The following SPTBN1 variants were observed in gnomAD, a reference collection of about 807,000 sequenced individuals.
SPTBN1 encodes spectrin beta chain, non-erythrocytic 1.
A neutral mutation model predicts 266.4 loss-of-function variants in SPTBN1; 32 were observed. That is an observed-to-expected ratio of 0.12 (90% CI 0.09 to 0.16). The LOEUF is 0.16. SPTBN1 is among the 10% of genes least tolerant of loss of function. The probability of loss-of-function intolerance (pLI) is 1.00; values close to 1 mark genes in which losing one functional copy is unlikely to be tolerated. For synonymous variants in SPTBN1, 1,336 were observed against 1,162.2 expected (o/e 1.15, Z -3.04); for missense variants, 2,296 against 3,067.1 (o/e 0.75, Z 5.94).
At chr2:54,595,705 T>C (rs965777506) in intron 2 of SPTBN1, among the ~76,000 whole-genome samples, 1 of 152,204 alleles carries the variant, frequency 6.6e-6, no homozygotes, top group African/African-American at 2.4e-5. Context: ...GCAACCCACC[T>C]TGGAGGGGTG....
chr2:54,458,259 A>G (rs1206671497), intron 1 of SPTBN1, among the ~76,000 whole-genome samples: 1 of 152,238 alleles, frequency 6.6e-6, no homozygotes, highest in Non-Finnish European at 1.5e-5. Context: ...GACATTTATA[A>G]GTATATTAAA....
In SPTBN1 at chr2:54,667,596, A is replaced by G; in HGVS notation, c.6834-8A>G. On this transcript the variant is annotated splice_region_variant and splice_polypyrimidine_tract_variant and intron_variant, in intron 34 of 35. Transcript: ENST00000356805. ...AGTGGTGACTAACTTTCTTCCTTGAAATTACAGACTAAATGATGGCAATGA... is the reference window on the plus strand; with the variant it reads ...AGTGGTGACTAACTTTCTTCCTTGAGATTACAGACTAAATGATGGCAATGA... The G allele has an allele frequency of 3.7e-6, 6 of 1,613,686 alleles. No homozygotes were observed. The highest frequency in any genetic ancestry group is 5.1e-6 in the Non-Finnish European group (6 of 1,179,668).
At chr2:54,475,959 AAG>A (rs1667803304) in intron 1 of SPTBN1, among the ~76,000 whole-genome samples, 1 of 152,152 alleles carries the variant, frequency 6.6e-6, no homozygotes. Flanking sequence ...AGTGGCCTTA[AAG>A]GTTCATTCTT....
At chr2:54,595,372 T>A (rs1300523474) in intron 2 of SPTBN1, among the ~76,000 whole-genome samples, 1 of 152,146 alleles carries the variant, frequency 6.6e-6, no homozygotes, top group Non-Finnish European at 1.5e-5. Flanking sequence ...GCTTGTTCCT[T>A]GGAGGCACCA....
chr2:54,638,954 C>G (rs1198196156), intron 18 of SPTBN1, among the ~76,000 whole-genome samples: 2 of 152,206 alleles, frequency 1.3e-5, no homozygotes, highest in Non-Finnish European at 2.9e-5. Context: ...TGCTGTCTTA[C>G]TGTAAATCTT....
chr2:54,534,134 T>C (rs573589324), intron 2 of SPTBN1, among the ~76,000 whole-genome samples: 8 of 152,294 alleles, frequency 5.3e-5, no homozygotes, highest in East Asian at 1.9e-4. Flanking sequence ...TTTGGGCTGC[T>C]TAAGATAGTA....
At chr2:54,596,473 T>C (rs1676099383) in intron 2 of SPTBN1, among the ~76,000 whole-genome samples, 2 of 152,102 alleles carry the variant, frequency 1.3e-5, no homozygotes, top group African/African-American at 4.8e-5. Flanking sequence ...TTCCTGCCCC[T>C]CGTGTGTTAT....
At chr2:54,574,186 C>G (rs1034888230) in intron 2 of SPTBN1, among the ~76,000 whole-genome samples, 1 of 151,976 alleles carries the variant, frequency 6.6e-6, no homozygotes, top group African/African-American at 2.4e-5. Context: ...CATACATTAT[C>G]TAATTTCACA....
intron 1 of SPTBN1, among the ~76,000 whole-genome samples, chr2:54,456,816 GGCCCCA>G (rs1693058001): frequency 6.6e-6 from 1 of 151,164 alleles, no homozygotes; most frequent in Non-Finnish European, 1.5e-5. Flanking sequence ...GCTGCCGTCC[GGCCCCA>G]GCCCCGGCGC....
chr2:54,585,650 A>C (rs768894747), intron 2 of SPTBN1, among the ~76,000 whole-genome samples: 5 of 152,224 alleles, frequency 3.3e-5, no homozygotes, highest in Non-Finnish European at 7.3e-5. Context: ...ATGGTAGCTG[A>C]GTATCAATTG....
chr2:54,617,948 G>A (rs1677720912), intron 6 of SPTBN1, 130 bp from the exon 7 acceptor site: 2 of 740,634 alleles, frequency 2.7e-6, no homozygotes, highest in East Asian at 2.6e-5. Context: ...ATGATTCCAT[G>A]ATAGTATATT....
At chr2:54,603,084 C>A (rs1297271663) in intron 3 of SPTBN1, among the ~76,000 whole-genome samples, 1 of 152,134 alleles carries the variant, frequency 6.6e-6, no homozygotes, top group Non-Finnish European at 1.5e-5. Context: ...TGATAAAGTG[C>A]CAGATGAATG....
chr2:54,472,218 A>G (rs910694129), intron 1 of SPTBN1, among the ~76,000 whole-genome samples: 21 of 151,844 alleles, frequency 1.4e-4, no homozygotes, highest in African/African-American at 4.6e-4. Context: ...TAGTAGAGAC[A>G]GGGTTTCACC....
intron 32 of SPTBN1, chr2:54,661,684 CCAAGTTA>C (rs1312471846): frequency 2.0e-6 from 2 of 985,556 alleles, no homozygotes; most frequent in Non-Finnish European, 2.4e-6. Context: ...GTTTGTGGCT[CCAAGTTA>C]CATTTTGTGT....
rs1438212155 is a variant in SPTBN1 at position 54,657,719 on chromosome 2, T to TA, written c.6047-129dup. The TA allele has an allele frequency of 1.5e-5, 16 of 1,072,338 alleles. No homozygotes were observed. In the Admixed American group the frequency reaches 2.8e-4, roughly 19 times the overall value. The allele number at this position is 1,072,338 out of a possible 1,614,324, so 66.4% of individuals were successfully genotyped here. Reference sequence around the variant, plus strand: ...ACATTACATTTACATTGGACAGGGCTAATTTAGAGTAGACGATAGACTGGT... The same window carrying TA: ...ACATTACATTTACATTGGACAGGGCTAAATTTAGAGTAGACGATAGACTGGT... On this transcript the variant is annotated intron_variant, in intron 29 of 35. Transcript: ENST00000356805.
At chr2:54,538,880 C>T (rs560493143) in intron 2 of SPTBN1, among the ~76,000 whole-genome samples, 4 of 152,310 alleles carry the variant, frequency 2.6e-5, no homozygotes, top group South Asian at 2.1e-4. Flanking sequence ...GGGCCATTTG[C>T]GGGTTCTCAG....
At chr2:54,571,490 G>A (rs1558853681) in intron 2 of SPTBN1, among the ~76,000 whole-genome samples, 1 of 152,036 alleles carries the variant, frequency 6.6e-6, no homozygotes, top group East Asian at 1.9e-4. Flanking sequence ...GGCACACTGG[G>A]TGGTGAGTCC....
rs117714577 is a variant in SPTBN1, at chr2:54,506,687, A to G, written c.-47-19685A>G. Among the ~76,000 whole-genome samples, 108 of 152,316 alleles carry G rather than the reference A, an allele frequency of 7.1e-4. 1 individual carries two copies. The East Asian group carries it at 0.015, about 21-fold the overall frequency. On this transcript the variant is annotated intron_variant, in intron 1 of 35. Coordinates refer to ENST00000356805, the MANE Select transcript of SPTBN1 (RefSeq NM_003128.3). ...TTGATGAAAAAGAGAGAAATACCCA[A>G]TAGTTCTTGGAGAGTACAGTATACT...
intron 1 of SPTBN1, among the ~76,000 whole-genome samples, chr2:54,483,450 A>C (rs1668198651): frequency 6.6e-6 from 1 of 152,228 alleles, no homozygotes; most frequent in Admixed American, 6.5e-5. Flanking sequence ...TGCTTCCCTC[A>C]GCAGGACCTT....
Sources: gnomAD v4.1 joint callset for allele counts (sites outside exome capture counted in the v4.1 genomes callset) on GRCh38, gnomAD v4.1.1 for gene constraint, MANE v1.5 for transcripts, NCBI Gene and HGNC (gene_info 2026-07-23, HGNC 2026-07-21) for gene names.